Variants in DNMT3A observed in about 807,000 individuals in gnomAD.
DNMT3A encodes the protein DNA methyltransferase 3 alpha.
In DNMT3A, 267 loss-of-function variants were observed where a neutral mutation model predicts 117.6. The ratio of observed to expected loss-of-function variants is 2.27; its 90% CI spans 2.05 to 2.51. The LOEUF is 2.51. Among genes scored for constraint, DNMT3A ranks in the 30% most tolerant of loss-of-function variants. DNMT3A has a pLI of 0.00. For missense variants in DNMT3A, 1,029 were observed against 1,260.2 expected, an observed-to-expected ratio of 0.82 and a Z score of 2.78; for synonymous variants, 432 against 474.8, an observed-to-expected ratio of 0.91 and a Z score of 1.17.
chr2:25,294,899 A>G lies in DNMT3A; in HGVS notation c.177+5240T>C, dbSNP rs1558717397. Among the ~76,000 whole-genome samples the G allele has an allele frequency of 6.6e-6, 1 of 152,048 alleles. No individual in the cohort carries two copies. Among genetic ancestry groups the G allele is most frequent in the Non-Finnish European group, 1.5e-5 (1 of 67,974 alleles). ...CAGCCCCCTCCTCCTCCTCCCTCCC[A>G]TTCTGGGTTATTCTTAGCAGGAGGT... On this transcript the variant is annotated intron_variant, in intron 3 of 22. Transcript: ENST00000321117. This position sits in a 1 kb window ranked among gnomAD's most constrained non-coding sequence, Gnocchi z 4.7.
intron 6 of DNMT3A, among the ~76,000 whole-genome samples, chr2:25,263,241 A>C (rs2149347178): frequency 1.3e-5 from 2 of 152,132 alleles, no homozygotes; most frequent in South Asian, 4.2e-4. Flanking sequence ...GCACTTACTG[A>C]AATTCTCAAA....
In DNMT3A at chr2:25,294,250, C is replaced by T. The variant is rs2149397399; in HGVS notation, c.177+5889G>A. 6.6e-6 allele frequency among the ~76,000 whole-genome samples: 1 copy of T among 152,360 alleles called. No homozygotes were observed. Among genetic ancestry groups the T allele is most frequent in the East Asian group, 1.9e-4 (1 of 5,190 alleles). The stretch of plus-strand genomic sequence containing the variant: ...ACTGCACTTAAGTCCCCACCATGGG[C>T]TAGGCCCTTCCATGCAGCACTCCAG... On this transcript the variant is annotated intron_variant, in intron 3 of 22. Coordinates refer to ENST00000321117, the MANE Select transcript of DNMT3A (RefSeq NM_022552.5). This position sits in a 1 kb window ranked among gnomAD's most constrained non-coding sequence, Gnocchi z 4.7.
At chr2:25,324,775 G>A (rs747209393) in intron 1 of DNMT3A, among the ~76,000 whole-genome samples, 9 of 152,146 alleles carry the variant, frequency 5.9e-5, no homozygotes, top group African/African-American at 1.7e-4. Flanking sequence ...AGGGAGGGGG[G>A]TCTTGGTGCC....
chr2:25,241,419 G>A (rs1279972348), intron 17 of DNMT3A, 143 bp downstream of exon 17: 11 of 1,175,738 alleles, frequency 9.4e-6, no homozygotes, highest in Admixed American at 8.0e-5. Flanking sequence ...GAGGACAAAT[G>A]GAAGATAAGG....
Position 25,231,974 on chromosome 2 carries a change from A to C in DNMT3A, c.*2305T>G, listed in dbSNP as rs1164063227. 6.6e-6 allele frequency: 1 copy of C among 152,258 alleles called. No homozygotes were observed. The highest frequency in any genetic ancestry group is 6.6e-5 in the Admixed American group (1 of 15,260). 9.4% of individuals were successfully genotyped at this position (152,258 alleles called of 1,614,324 possible). A position where few individuals can be genotyped will look rare whatever the true frequency, so the allele number is the denominator to read the frequency against. ...GTGTGTGTGTGTGAGTGCATTCATT[A>C]TGCATCAGTACAGAAATATGCTCCT... On this transcript the variant is annotated 3_prime_UTR_variant, in exon 23 of 23. Transcript: ENST00000321117.
Position 25,313,905 on chromosome 2 carries a change from C to T in DNMT3A, c.72+8G>A. On this transcript the variant is annotated splice_region_variant and intron_variant, in intron 2 of 22. Coordinates refer to ENST00000321117, the MANE Select transcript of DNMT3A (RefSeq NM_022552.5). ...GCCAGAGGGTCCCCAGCAGAGCCCG[C>T]TGCTCACCTTTCGGTCCTCCTCCCG... 6.5e-7 allele frequency: 1 copy of T among 1,549,282 alleles called. No homozygotes were observed. The highest frequency in any genetic ancestry group is 8.7e-7 in the Non-Finnish European group (1 of 1,146,880).
At chr2:25,300,496 C>A (rs747217129) in intron 2 of DNMT3A, among the ~76,000 whole-genome samples, 4 of 149,544 alleles carry the variant, frequency 2.7e-5, no homozygotes, top group Non-Finnish European at 4.4e-5. Context: ...AATCCCAGCA[C>A]TTTGAGAAGC....
intron 12 of DNMT3A, 73 bp from the exon 13 acceptor site, chr2:25,245,405 C>T: frequency 1.8e-5 from 24 of 1,355,046 alleles, no homozygotes; most frequent in Non-Finnish European, 2.4e-5. Context: ...GAGCCCAGCA[C>T]CAGACCAGCC....
intron 1 of DNMT3A, 47 bp downstream of exon 1, chr2:25,341,779 C>A (rs1269091659): frequency 1.0e-6 from 1 of 977,554 alleles, no homozygotes. Context: ...CGGCTCCCCG[C>A]CGCCTCCGGG....
At chr2:25,283,525 G>A (rs913449116) in intron 3 of DNMT3A, among the ~76,000 whole-genome samples, 1 of 152,168 alleles carries the variant, frequency 6.6e-6, no homozygotes, top group South Asian at 2.1e-4. Context: ...CTTGAGGCAT[G>A]AGAGTCGAAG....
chr2:25,254,336 C>T lies in DNMT3A; in HGVS notation c.640-6084G>A, dbSNP rs1279522956. Among the ~76,000 whole-genome samples the T allele has an allele frequency of 6.6e-6, 1 of 151,986 alleles. No homozygotes were observed. The highest frequency in any genetic ancestry group is 1.5e-5 in the Non-Finnish European group (1 of 68,012). ...GTGCAGTGAGGGAGCCCCCCCTCCC[C>T]CTGAGGGCCATCAGAGCAAGCAAAC... On this transcript the variant is annotated intron_variant, in intron 6 of 22. Transcript: ENST00000321117. The surrounding 1 kb of genome is among the most constrained non-coding windows in gnomAD (Gnocchi z 4.7).
At chr2:25,278,481 A>T (rs2031636538) in intron 4 of DNMT3A, among the ~76,000 whole-genome samples, 1 of 152,190 alleles carries the variant, frequency 6.6e-6, no homozygotes, top group Admixed American at 6.5e-5. Flanking sequence ...TTGGGTAAGT[A>T]ATTTAACCTT....
At chr2:25,245,753 A>AC (rs370248005) in intron 12 of DNMT3A, among the ~76,000 whole-genome samples, 89 of 152,302 alleles carry the variant, frequency 5.8e-4, no homozygotes, top group African/African-American at 2.0e-3. Context: ...CTGAAAGGGG[A>AC]CCTGTAGGTG....
rs1271688207 is a variant in DNMT3A at position 25,341,040 on chromosome 2, CCCCGGCCCCGCCGCCCCT to C, written c.-178+768_-178+785del. Among the ~76,000 whole-genome samples, 6 of 146,388 alleles carry C rather than the reference CCCCGGCCCCGCCGCCCCT, an allele frequency of 4.1e-5. No individual in the cohort carries two copies. The South Asian group carries it at 6.3e-4, about 15-fold the overall frequency. On this transcript the variant is annotated intron_variant, in intron 1 of 22. Coordinates refer to ENST00000321117, the MANE Select transcript of DNMT3A (RefSeq NM_022552.5). ...GGTGTGCCCCCAAGGCGGGCGCTCT[CCCCGGCCCCGCCGCCCCT>C]CCCGGCCCCGCCGGCGCCCCGCACC...
rs937248265 is a variant in DNMT3A, at chr2:25,252,655, C to T, written c.640-4403G>A. 6.6e-6 allele frequency among the ~76,000 whole-genome samples: 1 copy of T among 151,962 alleles called. No individual in the cohort carries two copies. The highest frequency in any genetic ancestry group is 2.1e-4 in the South Asian group (1 of 4,816). ...GGGAGGGGAGGGAAGGGGCTGCTCCCGAGCCGCCTGCCCGGAGGGAGCCGG... is the reference window on the plus strand; with the variant it reads ...GGGAGGGGAGGGAAGGGGCTGCTCCTGAGCCGCCTGCCCGGAGGGAGCCGG... On this transcript the variant is annotated intron_variant, in intron 6 of 22. Transcript: ENST00000321117. This position sits in a 1 kb window ranked among gnomAD's most constrained non-coding sequence, Gnocchi z 5.5.
intron 14 of DNMT3A, 58 bp from the exon 15 acceptor site, chr2:25,244,396 G>A (rs1386624062): frequency 6.4e-7 from 1 of 1,569,074 alleles, no homozygotes; most frequent in Non-Finnish European, 8.7e-7. Flanking sequence ...GGAGGCCAAG[G>A]TGTGCTACCT....
chr2:25,254,511 C>T lies in DNMT3A; in HGVS notation c.640-6259G>A, dbSNP rs1440046355. On this transcript the variant is annotated intron_variant, in intron 6 of 22. Coordinates refer to ENST00000321117, the MANE Select transcript of DNMT3A (RefSeq NM_022552.5). This position sits in a 1 kb window ranked among gnomAD's most constrained non-coding sequence, Gnocchi z 4.7. ...AACAAACAAAAACACAGGCCCTCTT[C>T]TGTTCCAACCCATCTTTCAACCCAA... Among the ~76,000 whole-genome samples, 1 of 152,158 alleles carries T rather than the reference C, an allele frequency of 6.6e-6. No homozygotes were observed. Among genetic ancestry groups the T allele is most frequent in the Non-Finnish European group, 1.5e-5 (1 of 68,032 alleles).
At chr2:25,328,559 C>T (rs1208807986) in intron 1 of DNMT3A, 3 of 457,354 alleles carry the variant, frequency 6.6e-6, no homozygotes, top group Non-Finnish European at 1.4e-5. Context: ...GGTCAGAGTT[C>T]ATGCGTTGTA....
chr2:25,328,695 G>A (rs771147643), intron 1 of DNMT3A: 17 of 519,626 alleles, frequency 3.3e-5, no homozygotes, highest in Middle Eastern at 3.2e-4. Context: ...ACAGTGCTGC[G>A]GTGCCTAGAG....
Sources: gnomAD v4.1 joint callset for allele counts (sites outside exome capture counted in the v4.1 genomes callset) on GRCh38, gnomAD v4.1.1 for gene constraint, Gnocchi (gnomAD v3.1) non-coding constraint, MANE v1.5 for transcripts, NCBI Gene and HGNC (gene_info 2026-07-23, HGNC 2026-07-21) for gene names.